DNM3: variants seen among roughly 807,000 people sequenced by gnomAD.
DNM3 encodes dynamin-3.
A neutral mutation model predicts 101.6 loss-of-function variants in DNM3; 47 were observed. The observed-to-expected ratio is 0.46, with a 90% confidence interval of 0.37 to 0.59. DNM3 has a LOEUF of 0.59. DNM3 is among the 20% of genes least tolerant of loss of function. The pLI, the probability that DNM3 is intolerant of heterozygous loss-of-function variation, is 0.00. For synonymous variants in DNM3, 385 were observed against 387.9 expected (o/e 0.99, Z 0.09); for missense variants, 849 against 1,085.7 (o/e 0.78, Z 3.06).
intron 10 of DNM3, among the ~76,000 whole-genome samples, chr1:172,050,760 G>T (rs1050932579): frequency 6.6e-6 from 1 of 152,196 alleles, no homozygotes; most frequent in African/African-American, 2.4e-5. Flanking sequence ...GACAGAAGAT[G>T]CATAACTCCA....
intron 16 of DNM3, among the ~76,000 whole-genome samples, chr1:172,315,159 A>C (rs1056675300): frequency 2.0e-5 from 3 of 152,228 alleles, no homozygotes; most frequent in Non-Finnish European, 4.4e-5. Context: ...AGCAAAGTCC[A>C]ACAGACCTGC....
At chr1:172,100,335 C>G (rs780977582) in intron 13 of DNM3, among the ~76,000 whole-genome samples, 15 of 152,146 alleles carry the variant, frequency 9.9e-5, no homozygotes, top group Non-Finnish European at 2.1e-4. Flanking sequence ...AGACACTAGT[C>G]TTTTTCATAG....
intron 20 of DNM3, among the ~76,000 whole-genome samples, chr1:172,402,116 C>G (rs1251107174): frequency 1.3e-5 from 2 of 152,034 alleles, no homozygotes; most frequent in African/African-American, 4.8e-5. Flanking sequence ...AATCTTGGTT[C>G]ATAGAAGGTT....
chr1:171,987,276 T>TA (rs2045331549), intron 2 of DNM3: 1 of 984,462 alleles, frequency 1.0e-6, no homozygotes, highest in African/African-American at 1.7e-5. Context: ...GAAATGGTGA[T>TA]ACTGAAGAGG....
downstream of DNM3, among the ~76,000 whole-genome samples, chr1:172,417,192 A>G (rs183830709): frequency 6.6e-6 from 1 of 152,300 alleles, no homozygotes; most frequent in East Asian, 1.9e-4. Context: ...GAAGTCAAAG[A>G]GAGTAGGGTC....
At chr1:172,149,567 C>T (rs1332927518) in intron 14 of DNM3, among the ~76,000 whole-genome samples, 1 of 152,154 alleles carries the variant, frequency 6.6e-6, no homozygotes, top group Non-Finnish European at 1.5e-5. Flanking sequence ...CAAAAGCTGA[C>T]AAGCATCATC....
intron 2 of DNM3, among the ~76,000 whole-genome samples, chr1:171,932,264 C>T (rs1322285219): frequency 6.6e-6 from 1 of 151,534 alleles, no homozygotes; most frequent in Non-Finnish European, 1.5e-5. Context: ...GCCTCCACCT[C>T]CCAAATAGCT....
intron 1 of DNM3, among the ~76,000 whole-genome samples, chr1:171,891,173 A>C (rs1450083497): frequency 6.6e-6 from 1 of 152,206 alleles, no homozygotes; most frequent in Non-Finnish European, 1.5e-5. Context: ...TATATAAGGA[A>C]GGTGAAGGAG....
intron 4 of DNM3, among the ~76,000 whole-genome samples, chr1:171,991,312 C>A (rs890288016): frequency 2.6e-5 from 4 of 152,144 alleles, no homozygotes; most frequent in African/African-American, 9.7e-5. Flanking sequence ...ACCCCCACTT[C>A]TGATGCCAGT....
intron 14 of DNM3, among the ~76,000 whole-genome samples, chr1:172,247,735 A>T (rs974015208): frequency 6.6e-6 from 1 of 151,426 alleles, no homozygotes; most frequent in Non-Finnish European, 1.5e-5. Context: ...CCCAGGCTGG[A>T]GTGCAATGGC....
In DNM3 at chr1:172,080,087, G is replaced by A. The variant is rs190166332; in HGVS notation, c.1423-1745G>A. Among the ~76,000 whole-genome samples the A allele has an allele frequency of 2.0e-3, 308 of 152,250 alleles. 1 individual carries two copies. The highest frequency in any genetic ancestry group is 7.0e-3 in the African/African-American group (292 of 41,540). On this transcript the variant is annotated intron_variant, in intron 11 of 20. Coordinates refer to ENST00000627582, the MANE Select transcript of DNM3 (RefSeq NM_015569.5). Reference sequence around the variant, plus strand: ...CCTGCTGGAAGGTGTCTCCCAGTCAGGAGGCACGGAAGTCAGGGACCCACT... The same window carrying A: ...CCTGCTGGAAGGTGTCTCCCAGTCAAGAGGCACGGAAGTCAGGGACCCACT...
chr1:172,023,379 T>C (rs1412785015), intron 4 of DNM3, among the ~76,000 whole-genome samples: 1 of 152,186 alleles, frequency 6.6e-6, no homozygotes, highest in East Asian at 1.9e-4. Context: ...TATTTTGAGA[T>C]TTGCAAGTCT....
At chr1:172,107,458 C>T (rs1455095712) in intron 13 of DNM3, among the ~76,000 whole-genome samples, 1 of 152,030 alleles carries the variant, frequency 6.6e-6, no homozygotes, top group Admixed American at 6.5e-5. Context: ...CATCAGTTCA[C>T]AGGCTGAGAC....
At chr1:172,188,208 AT>A (rs1426329922) in intron 14 of DNM3, among the ~76,000 whole-genome samples, 1 of 152,106 alleles carries the variant, frequency 6.6e-6, no homozygotes, top group East Asian at 1.9e-4. Context: ...TATTACTCCT[AT>A]TTCACAAGTA....
At chr1:172,381,141 C>G (rs910401321) in intron 18 of DNM3, among the ~76,000 whole-genome samples, 11 of 151,848 alleles carry the variant, frequency 7.2e-5, no homozygotes, top group Non-Finnish European at 1.3e-4. Flanking sequence ...TCACTCTTCA[C>G]TGGTGTGTTT....
At chr1:172,344,400 T>C (rs1439746718) in intron 17 of DNM3, among the ~76,000 whole-genome samples, 1 of 152,216 alleles carries the variant, frequency 6.6e-6, no homozygotes, top group East Asian at 1.9e-4. Flanking sequence ...ATTATTTCCC[T>C]TGGTAGTGGC....
At chr1:172,002,534 G>A (rs61805851) in intron 4 of DNM3, among the ~76,000 whole-genome samples, 24,700 of 152,054 alleles carry the variant, frequency 0.16, 2,648 homozygotes, top group Non-Finnish European at 0.24. Context: ...TCATTTATCT[G>A]CATGTTGAGA....
In DNM3 at chr1:172,114,220, A is replaced by G. The variant is rs183021414; in HGVS notation, c.1546-16955A>G. Among the ~76,000 whole-genome samples, 7 of 152,202 alleles carry G rather than the reference A, an allele frequency of 4.6e-5. No homozygotes were observed. In the East Asian group the frequency reaches 9.6e-4, roughly 21 times the overall value. On this transcript the variant is annotated intron_variant, in intron 13 of 20. Coordinates refer to ENST00000627582, the MANE Select transcript of DNM3 (RefSeq NM_015569.5). The stretch of plus-strand genomic sequence containing the variant: ...AGGGATGGTATAAGGTGAGTTCTGC[A>G]TGACAAGTCGTGGCTAACCATGCAA...
At chr1:172,012,041 A>G (rs2047162581) in intron 4 of DNM3, among the ~76,000 whole-genome samples, 1 of 151,986 alleles carries the variant, frequency 6.6e-6, no homozygotes, top group Non-Finnish European at 1.5e-5. Flanking sequence ...TTTCCTTACC[A>G]TTTAACTTTG....
Sources: allele counts gnomAD v4.1 joint callset (sites outside exome capture counted in the v4.1 genomes callset), GRCh38; gene constraint gnomAD v4.1.1; transcripts MANE v1.5; gene names NCBI Gene and HGNC (gene_info 2026-07-23, HGNC 2026-07-21).